The following CHIA variants were observed in gnomAD, a reference collection of about 807,000 sequenced individuals.
The protein encoded by CHIA is chitinase acidic.
In CHIA, 47 loss-of-function variants were observed where a neutral mutation model predicts 53.5. The ratio of observed to expected loss-of-function variants is 0.88; its 90% confidence interval spans 0.70 to 1.12. CHIA has a LOEUF of 1.12. Among genes scored for constraint, CHIA ranks in the 50% most tolerant of loss-of-function variants. The pLI is 0.00. For missense variants in CHIA, 652 were observed against 592.2 expected, an observed-to-expected ratio of 1.10 and a Z score of -1.05; for synonymous variants, 268 against 222.2, an observed-to-expected ratio of 1.21 and a Z score of -1.83.
rs1411920219 is a variant in CHIA at position 111,319,482 on chromosome 1, G to C, written c.1177+14G>C. ...TGCAGAGTGCAAGTAAGTGACTGAGGGGGAATGCCCAGGTGTATAAATACC... is the reference window on the plus strand; with the variant it reads ...TGCAGAGTGCAAGTAAGTGACTGAGCGGGAATGCCCAGGTGTATAAATACC... On this transcript the variant is annotated intron_variant, in intron 11 of 11. Coordinates refer to ENST00000369740, the MANE Select transcript of CHIA (RefSeq NM_201653.4). 1 of 1,612,772 alleles carries C rather than the reference G, an allele frequency of 6.2e-7. No homozygotes were observed.
At chr1:111,320,192 T>C (rs775634313) in intron 11 of CHIA, 21 bp from the exon 12 acceptor site, 1 of 1,609,042 alleles carries the variant, frequency 6.2e-7, no homozygotes, top group Non-Finnish European at 8.5e-7. Flanking sequence ...ACTAGTCTGC[T>C]CTTACTGCTG....
intron 6 of CHIA, chr1:111,317,461 G>A: frequency 2.2e-6 from 1 of 462,108 alleles, no homozygotes; most frequent in Non-Finnish European, 3.9e-6. Context: ...GTGGGACTTT[G>A]GTGAAGTGTC....
chr1:111,297,362 C>T (rs1293371511), intron 1 of CHIA, among the ~76,000 whole-genome samples: 1 of 152,214 alleles, frequency 6.6e-6, no homozygotes, highest in Non-Finnish European at 1.5e-5. Flanking sequence ...ACCCATTGGA[C>T]TAACAGCGGA....
intron 1 of CHIA, among the ~76,000 whole-genome samples, chr1:111,299,338 A>G (rs1052596100): frequency 6.6e-6 from 1 of 152,252 alleles, no homozygotes; most frequent in Non-Finnish European, 1.5e-5. Context: ...AAAAATCCTC[A>G]ATAAAATACT....
intron 1 of CHIA, among the ~76,000 whole-genome samples, chr1:111,294,274 C>T (rs1336325454): frequency 1.3e-5 from 2 of 152,150 alleles, no homozygotes; most frequent in Admixed American, 1.3e-4. Context: ...ACAAGTCTTT[C>T]ACTTCATTAA....
At chr1:111,310,602 T>G in intron 2 of CHIA, 110 bp downstream of exon 2, 3 of 1,541,338 alleles carry the variant, frequency 1.9e-6, no homozygotes, top group Non-Finnish European at 2.6e-6. Context: ...ACTTTTCCAT[T>G]CTTCTTTCAT....
At chr1:111,301,634 A>G (rs2101617081) in intron 1 of CHIA, among the ~76,000 whole-genome samples, 1 of 150,622 alleles carries the variant, frequency 6.6e-6, no homozygotes, top group East Asian at 2.0e-4. Flanking sequence ...CCTGGGAGGC[A>G]GAGCTTGCAG....
At chr1:111,318,463 G>A (rs376659127) in intron 8 of CHIA, 30 bp from the exon 9 acceptor site, 3 of 1,593,032 alleles carry the variant, frequency 1.9e-6, no homozygotes, top group Non-Finnish European at 2.6e-6. Flanking sequence ...CAGCTGGTTG[G>A]GCCATGTAAC....
intron 8 of CHIA, 52 bp from the exon 9 acceptor site, chr1:111,318,441 G>A: frequency 2.7e-6 from 4 of 1,470,198 alleles, no homozygotes; most frequent in Non-Finnish European, 3.8e-6. Flanking sequence ...ATATAACTAA[G>A]TACTGGGTCC....
intron 1 of CHIA, among the ~76,000 whole-genome samples, chr1:111,301,203 C>T (rs1647693507): frequency 6.6e-6 from 1 of 152,106 alleles, no homozygotes; most frequent in South Asian, 2.1e-4. Context: ...CTAGAAATAC[C>T]ATTTGACCCA....
intron 1 of CHIA, among the ~76,000 whole-genome samples, chr1:111,297,171 A>G (rs1273669390): frequency 6.6e-6 from 1 of 152,238 alleles, no homozygotes; most frequent in East Asian, 1.9e-4. Flanking sequence ...ATCCAGGAGA[A>G]CTTCCGCAAC....
intron 4 of CHIA, among the ~76,000 whole-genome samples, chr1:111,313,567 A>C (rs1460796902): frequency 1.3e-5 from 2 of 152,174 alleles, no homozygotes; most frequent in Non-Finnish European, 2.9e-5. Flanking sequence ...CTTACTTGAC[A>C]TATGGTTTCC....
intron 1 of CHIA, among the ~76,000 whole-genome samples, chr1:111,300,100 G>T (rs963482850): frequency 6.6e-6 from 1 of 152,046 alleles, no homozygotes; most frequent in Non-Finnish European, 1.5e-5. Context: ...ACAAATGGAA[G>T]AACATTCCAT....
intron 4 of CHIA, among the ~76,000 whole-genome samples, chr1:111,313,533 T>C (rs1315896347): frequency 3.9e-5 from 6 of 152,204 alleles, no homozygotes; most frequent in Non-Finnish European, 7.3e-5. Flanking sequence ...AAATTTCCTA[T>C]ATATTTTTGA....
intron 1 of CHIA, among the ~76,000 whole-genome samples, chr1:111,292,531 C>A (rs570816624): frequency 6.6e-6 from 1 of 152,248 alleles, no homozygotes; most frequent in South Asian, 2.1e-4. Context: ...ACTGCATGGG[C>A]CAGTCTCCGT....
chr1:111,297,427 T>C (rs1475305283), intron 1 of CHIA, among the ~76,000 whole-genome samples: 2 of 152,160 alleles, frequency 1.3e-5, no homozygotes, highest in East Asian at 3.8e-4. Context: ...TATTCAACAT[T>C]CTTAAATAAA....
chr1:111,301,109 G>A (rs770257582), intron 1 of CHIA, among the ~76,000 whole-genome samples: 1 of 152,266 alleles, frequency 6.6e-6, no homozygotes, highest in Non-Finnish European at 1.5e-5. Flanking sequence ...TGGAGAAGTA[G>A]GAACACTTTT....
chr1:111,290,994 A>G, intron 1 of CHIA, 44 bp downstream of exon 1: 1 of 374,258 alleles, frequency 2.7e-6, no homozygotes, highest in Non-Finnish European at 5.3e-6. Flanking sequence ...TCCCTTTCCC[A>G]TTGCAATTTG....
intron 1 of CHIA, among the ~76,000 whole-genome samples, chr1:111,304,181 C>T (rs11584291): frequency 0.28 from 42,322 of 151,922 alleles, 6,173 homozygotes; most frequent in East Asian, 0.36. Flanking sequence ...TGCCTTTGTC[C>T]TTTAAAATTT....
Sources: gnomAD v4.1 joint callset for allele counts (sites outside exome capture counted in the v4.1 genomes callset) on GRCh38, gnomAD v4.1.1 for gene constraint, MANE v1.5 for transcripts, NCBI Gene and HGNC (gene_info 2026-07-23, HGNC 2026-07-21) for gene names.